Variants in ROS1 observed in about 807,000 individuals in gnomAD.
ROS1 encodes proto-oncogene tyrosine-protein kinase ROS.
Under a neutral mutation model 273.5 loss-of-function variants are expected in ROS1, and 263 were observed. That is an observed-to-expected ratio of 0.96 (90% confidence interval 0.87 to 1.06). The LOEUF is 1.06. Among genes scored for constraint, ROS1 ranks in the 50% least tolerant of loss-of-function variants. The pLI, the probability that ROS1 is intolerant of heterozygous loss-of-function variation, is 0.00. For missense variants in ROS1, 2,833 were observed against 2,751.1 expected, an observed-to-expected ratio of 1.03 and a Z score of -0.67; for synonymous variants, 1,008 against 954.1, an observed-to-expected ratio of 1.06 and a Z score of -1.04.
At chr6:117,309,765 G>GCA (rs1351866822) in intron 41 of ROS1, among the ~76,000 whole-genome samples, 1 of 151,944 alleles carries the variant, frequency 6.6e-6, no homozygotes, top group African/African-American at 2.4e-5. Context: ...AGGTATTTGG[G>GCA]CACACACTTG....
In ROS1 at chr6:117,287,439, T is replaced by C. The variant is rs1773520665; in HGVS notation, c.*1053A>G. ...AAGTATTTTATACATAAAATAGATA[T>C]GGCAAATAGCAATCTTTATACTAGT... On this transcript the variant is annotated 3_prime_UTR_variant, in exon 44 of 44. Coordinates refer to ENST00000368507, the MANE Select transcript of ROS1 (RefSeq NM_001378902.1). 1.3e-5 allele frequency among the ~76,000 whole-genome samples: 2 copies of C among 152,330 alleles called. No individual in the cohort carries two copies. Among genetic ancestry groups the C allele is most frequent in the Admixed American group, 6.5e-5 (1 of 15,308 alleles).
At chr6:117,296,534 G>A (rs566221786) in intron 43 of ROS1, among the ~76,000 whole-genome samples, 15 of 152,314 alleles carry the variant, frequency 9.8e-5, no homozygotes, top group African/African-American at 3.1e-4. Context: ...ATTATGTTAA[G>A]TGAAATAAGC....
At chr6:117,305,651 C>G (rs889097728) in intron 42 of ROS1, among the ~76,000 whole-genome samples, 3 of 152,100 alleles carry the variant, frequency 2.0e-5, no homozygotes, top group African/African-American at 7.2e-5. Flanking sequence ...AAGAATAAAA[C>G]TTCGGTTCTC....
chr6:117,388,515 A>G (rs573448397), intron 13 of ROS1, among the ~76,000 whole-genome samples: 1 of 152,340 alleles, frequency 6.6e-6, no homozygotes, highest in Non-Finnish European at 1.5e-5. Context: ...CTAGGGGATC[A>G]GGGATTGGCA....
intron 41 of ROS1, among the ~76,000 whole-genome samples, 192 bp from the exon 42 acceptor site, chr6:117,309,120 C>G (rs1775340935): frequency 6.6e-6 from 1 of 152,118 alleles, no homozygotes; most frequent in Admixed American, 6.6e-5. Flanking sequence ...TGCGTATGAG[C>G]AAATACTTCA....
chr6:117,396,809 C>T (rs190638643), intron 8 of ROS1, 106 bp downstream of exon 8: 5 of 819,160 alleles, frequency 6.1e-6, no homozygotes, highest in South Asian at 3.3e-5. Flanking sequence ...GAGTCAGTGG[C>T]GCTTCTCAAA....
chr6:117,392,599 T>C (rs563831509), intron 12 of ROS1, among the ~76,000 whole-genome samples: 12 of 152,354 alleles, frequency 7.9e-5, no homozygotes, highest in African/African-American at 2.9e-4. Context: ...GTAAGTATTA[T>C]TACCTTCCCT....
chr6:117,351,274 C>A (rs1380794878), intron 27 of ROS1, among the ~76,000 whole-genome samples: 1 of 152,114 alleles, frequency 6.6e-6, no homozygotes, highest in Non-Finnish European at 1.5e-5. Context: ...CTGGAGTGGG[C>A]TGGGGTTGGG....
intron 29 of ROS1, among the ~76,000 whole-genome samples, 180 bp downstream of exon 29, chr6:117,342,220 G>A (rs1236199843): frequency 2.0e-5 from 3 of 152,214 alleles, no homozygotes; most frequent in East Asian, 1.9e-4. Context: ...TTATTAGTTA[G>A]CTTCAGGGGT....
At chr6:117,300,864 T>C (rs891111089) in intron 43 of ROS1, 110 bp downstream of exon 43, 1 of 677,324 alleles carries the variant, frequency 1.5e-6, no homozygotes, top group Non-Finnish European at 2.3e-6. Flanking sequence ...AAGGTGCCAG[T>C]ATATTATTCT....
chr6:117,399,934 T>C (rs1238455782), intron 7 of ROS1, among the ~76,000 whole-genome samples: 1 of 152,228 alleles, frequency 6.6e-6, no homozygotes, highest in Non-Finnish European at 1.5e-5. Context: ...AGTGAAGCAA[T>C]TACTATTGTG....
chr6:117,310,728 T>G (rs2128549385), intron 40 of ROS1, among the ~76,000 whole-genome samples: 1 of 152,288 alleles, frequency 6.6e-6, no homozygotes. Context: ...TCATTCTTTT[T>G]TATGGCTGCA....
chr6:117,303,633 C>T (rs567884358), intron 42 of ROS1, among the ~76,000 whole-genome samples: 2 of 152,140 alleles, frequency 1.3e-5, no homozygotes, highest in African/African-American at 4.8e-5. Flanking sequence ...ACAGGGCAGG[C>T]AAGGAGTTGG....
chr6:117,296,378 G>A (rs973823547), intron 43 of ROS1, among the ~76,000 whole-genome samples: 1 of 150,176 alleles, frequency 6.7e-6, no homozygotes, highest in Non-Finnish European at 1.5e-5. Flanking sequence ...TCTGGTCTGA[G>A]GGACAGAGTG....
At position 117,287,558 on chromosome 6, in the gene ROS1, T is replaced by C. The variant is rs778244061; in HGVS notation, c.*934A>G. Among the ~76,000 whole-genome samples the C allele has an allele frequency of 8.5e-5, 13 of 152,208 alleles. No homozygotes were observed. Among genetic ancestry groups the C allele is most frequent in the Non-Finnish European group, 1.6e-4 (11 of 68,042 alleles). ...AGGACTTAAAAGATCTTCACAGTCT[T>C]ATTTTCAACATGACTGAATCTACTG... On this transcript the variant is annotated 3_prime_UTR_variant, in exon 44 of 44. Transcript: ENST00000368507.
chr6:117,364,725 C>T (rs1451127736), intron 21 of ROS1, among the ~76,000 whole-genome samples: 1 of 152,170 alleles, frequency 6.6e-6, no homozygotes, highest in African/African-American at 2.4e-5. Flanking sequence ...TCTATGAGAA[C>T]AGTCTGCCTT....
intron 2 of ROS1, 34 bp downstream of exon 2, chr6:117,418,428 T>C (rs958544577): frequency 6.8e-7 from 1 of 1,471,220 alleles, no homozygotes. Context: ...ACACAAACAT[T>C]GTAATATTCT....
rs139864981 is a variant in ROS1, at chr6:117,339,533, A to C, written c.5061+1602T>G. ...TTTCCAGCTGTCCTGTCATTGTGAG[A>C]TAGGCTCAAGTTGTTCAAAAGAGAC... On this transcript the variant is annotated intron_variant, in intron 31 of 43. Coordinates refer to ENST00000368507, the MANE Select transcript of ROS1 (RefSeq NM_001378902.1). 9.9e-5 allele frequency among the ~76,000 whole-genome samples: 15 copies of C among 152,222 alleles called. No homozygotes were observed. In the East Asian group the frequency reaches 2.9e-3, roughly 29 times the overall value.
rs2128574874 is a variant in ROS1 at position 117,324,343 on chromosome 6, G to A, written c.5612C>T (p.Pro1871Leu). ...IVGIFLVVTI[P>L]LTFVWHRRLK... is the part of the protein sequence containing the mutation. ...TCTATTATACTTACCAAAGGTCAGTGGGATTGTAACAACCAGAAATATTCC... is the reference window on the plus strand; with the variant it reads ...TCTATTATACTTACCAAAGGTCAGTAGGATTGTAACAACCAGAAATATTCC... Residue 1871 changes from proline (P) to leucine (L), a missense_variant, in exon 35 of 44, where the codon CCA becomes CTA. By Grantham distance (98) the Pro-to-Leu change is moderately conservative. Transcript: ENST00000368507. The A allele has an allele frequency of 6.6e-7, 1 of 1,511,668 alleles. No individual in the cohort carries two copies. Among genetic ancestry groups the A allele is most frequent in the Non-Finnish European group, 9.1e-7 (1 of 1,096,138 alleles). 93.6% of individuals were successfully genotyped at this position (1,511,668 alleles called of 1,614,324 possible).
Sources: gnomAD v4.1 joint callset for allele counts (sites outside exome capture counted in the v4.1 genomes callset) on GRCh38, gnomAD v4.1.1 for gene constraint, MANE v1.5 for transcripts, NCBI Gene and HGNC (gene_info 2026-07-23, HGNC 2026-07-21) for gene names.